The following SLC22A9 variants were observed in gnomAD, a reference collection of about 807,000 sequenced individuals.
SLC22A9 encodes the protein organic anion transporter 7.
In SLC22A9, 64 loss-of-function variants were observed where a neutral mutation model predicts 50.1. The observed-to-expected ratio is 1.28, with a 90% confidence interval of 1.04 to 1.57. The LOEUF (loss-of-function observed/expected upper bound fraction) is 1.57. SLC22A9 is among the 40% of genes most tolerant of loss of function. The pLI is 0.00. For missense variants in SLC22A9, 757 were observed against 676.1 expected, an observed-to-expected ratio of 1.12 and a Z score of -1.33; for synonymous variants, 261 against 242.5, an observed-to-expected ratio of 1.08 and a Z score of -0.71.
chr11:63,406,395 A>G, intron 6 of SLC22A9, 102 bp from the exon 7 acceptor site: 2 of 997,916 alleles, frequency 2.0e-6, no homozygotes, highest in South Asian at 1.6e-5. Flanking sequence ...CCCAGCCTTT[A>G]TACTTTAACA....
At chr11:63,409,675 G>A (rs2015104235) in intron 9 of SLC22A9, 127 bp from the exon 10 acceptor site, 1 of 903,800 alleles carries the variant, frequency 1.1e-6, no homozygotes, top group Non-Finnish European at 1.7e-6. Context: ...CTTGGGGGCA[G>A]AGATATGGTT....
intron 6 of SLC22A9, among the ~76,000 whole-genome samples, chr11:63,385,473 CA>C (rs2014649027): frequency 6.6e-6 from 1 of 151,940 alleles, no homozygotes; most frequent in South Asian, 2.1e-4. Context: ...TTTCCTTGAG[CA>C]GTGGTTTGTA....
At chr11:63,396,068 A>G (rs1214624646) in intron 6 of SLC22A9, among the ~76,000 whole-genome samples, 1 of 152,130 alleles carries the variant, frequency 6.6e-6, no homozygotes, top group Non-Finnish European at 1.5e-5. Context: ...CACTAACAGC[A>G]CCGAGTCTGT....
chr11:63,393,365 T>G (rs2014797698), intron 6 of SLC22A9, among the ~76,000 whole-genome samples: 4 of 152,188 alleles, frequency 2.6e-5, no homozygotes, highest in Admixed American at 2.6e-4. Context: ...TGAATTCTTT[T>G]ATCAGTTCTA....
At chr11:63,384,984 T>A (rs2014635603) in intron 6 of SLC22A9, among the ~76,000 whole-genome samples, 1 of 149,934 alleles carries the variant, frequency 6.7e-6, no homozygotes, top group Non-Finnish European at 1.5e-5. Context: ...TTCAATGGAG[T>A]TTTTTTGTTT....
In SLC22A9 at chr11:63,375,767, A is replaced by G; in HGVS notation, c.953A>G (p.Glu318Gly). ...AATGCCAGAGACACCCTAACCCTGG[A>G]GGTGAGCTGGATGGGAGCTAGATAT... is the stretch of plus-strand genomic sequence containing the variant. Reference protein sequence around the residue: ...MKNARDTLTLEILKSTMKKEL... With the variant: ...MKNARDTLTLGILKSTMKKEL... The change falls in exon 5 of 10, where the codon GAG becomes GGG. Residue 318 changes from glutamate (E) to glycine (G), a missense_variant and splice_region_variant. Physicochemically the swap from Glu to Gly is moderately conservative, Grantham distance 98. Transcript: ENST00000279178. The G allele has an allele frequency of 1.2e-6, 2 of 1,611,406 alleles. No homozygotes were observed. Among genetic ancestry groups the G allele is most frequent in the Non-Finnish European group, 1.7e-6 (2 of 1,178,246 alleles).
chr11:63,393,936 A>G (rs2014807906), intron 6 of SLC22A9, among the ~76,000 whole-genome samples: 1 of 152,190 alleles, frequency 6.6e-6, no homozygotes, highest in Admixed American at 6.5e-5. Flanking sequence ...AGGTACACCA[A>G]GCAAATGTGG....
chr11:63,376,041 C>T (rs944879429), intron 5 of SLC22A9, among the ~76,000 whole-genome samples: 2 of 152,076 alleles, frequency 1.3e-5, no homozygotes, highest in African/African-American at 4.8e-5. Flanking sequence ...TTGCATTGAA[C>T]TCATTCTAAC....
intron 6 of SLC22A9, among the ~76,000 whole-genome samples, chr11:63,403,223 G>T (rs2014979405): frequency 6.6e-6 from 1 of 152,050 alleles, no homozygotes; most frequent in South Asian, 2.1e-4. Context: ...AAGATAAAGT[G>T]ACTGACTTGT....
At chr11:63,405,280 G>C (rs1246211196) in intron 6 of SLC22A9, among the ~76,000 whole-genome samples, 3 of 152,130 alleles carry the variant, frequency 2.0e-5, no homozygotes, top group Non-Finnish European at 4.4e-5. Context: ...CTAAACAGGA[G>C]AGATGACTCA....
Position 63,386,434 on chromosome 11 carries a change from CTTTTTTTTTTTTTTTT to C in SLC22A9, c.1073+4176_1073+4191del, listed in dbSNP as rs71065364. On this transcript the variant is annotated intron_variant, in intron 6 of 9. Coordinates refer to ENST00000279178, the MANE Select transcript of SLC22A9 (RefSeq NM_080866.3). ...AGCTATAAATCCACGTGGACCTGGA[CTTTTTTTTTTTTTTTT>C]TTTTTTTTTTTTTTTTTTGGTAAGT... 6.3e-3 allele frequency among the ~76,000 whole-genome samples: 211 copies of C among 33,508 alleles called. 1 individual carries two copies. Among genetic ancestry groups the C allele is most frequent in the African/African-American group, 0.032 (178 of 5,636 alleles). 22.0% of individuals were successfully genotyped at this position (33,508 alleles called of 152,430 possible). A position where few individuals can be genotyped will look rare whatever the true frequency, so the allele number is the denominator to read the frequency against.
At chr11:63,370,571 T>C (rs549585373) in intron 1 of SLC22A9, 113 bp downstream of exon 1, 1 of 1,236,742 alleles carries the variant, frequency 8.1e-7, no homozygotes, top group South Asian at 1.8e-5. Context: ...TCTTCATTCT[T>C]TCAGCAAATA....
At chr11:63,381,712 C>G (rs1263638080) in intron 5 of SLC22A9, among the ~76,000 whole-genome samples, 1 of 152,154 alleles carries the variant, frequency 6.6e-6, no homozygotes, top group Non-Finnish European at 1.5e-5. Context: ...AAAATGAGTT[C>G]TCTCAGGAAA....
intron 5 of SLC22A9, 24 bp downstream of exon 5, chr11:63,375,792 T>C: frequency 6.2e-7 from 1 of 1,608,360 alleles, no homozygotes; most frequent in Non-Finnish European, 8.5e-7. Flanking sequence ...GAGCTAGATA[T>C]GGGATGTAGG....
chr11:63,402,291 G>A (rs1293091330), intron 6 of SLC22A9, among the ~76,000 whole-genome samples: 6 of 152,032 alleles, frequency 3.9e-5, no homozygotes, highest in Admixed American at 3.9e-4. Context: ...TTTTGTATAT[G>A]GTCAAAGGAA....
At chr11:63,375,061 A>T (rs991423383) in intron 4 of SLC22A9, among the ~76,000 whole-genome samples, 4 of 152,196 alleles carry the variant, frequency 2.6e-5, no homozygotes, top group Non-Finnish European at 5.9e-5. Context: ...TCAGATAGAA[A>T]AGTAAGCAAA....
At chr11:63,390,996 C>T (rs938769552) in intron 6 of SLC22A9, among the ~76,000 whole-genome samples, 11 of 151,822 alleles carry the variant, frequency 7.2e-5, no homozygotes, top group African/African-American at 2.7e-4. Context: ...TTGCTGTATC[C>T]CGTAGGTTTT....
intron 2 of SLC22A9, among the ~76,000 whole-genome samples, chr11:63,371,793 A>G (rs2014364148): frequency 6.6e-6 from 1 of 152,202 alleles, no homozygotes; most frequent in Non-Finnish European, 1.5e-5. Flanking sequence ...TGAGGTAAGT[A>G]ATCCAAGGAT....
chr11:63,385,099 T>A (rs2014638327), intron 6 of SLC22A9, among the ~76,000 whole-genome samples: 1 of 141,306 alleles, frequency 7.1e-6, no homozygotes, highest in East Asian at 2.1e-4. Flanking sequence ...TTCACTCTGA[T>A]GATACAGTTT....
Sources: allele counts gnomAD v4.1 joint callset (sites outside exome capture counted in the v4.1 genomes callset), GRCh38; gene constraint gnomAD v4.1.1; transcripts MANE v1.5; gene names NCBI Gene and HGNC (gene_info 2026-07-23, HGNC 2026-07-21).